TRIP12: variants seen among roughly 807,000 people sequenced by gnomAD.
The protein encoded by TRIP12 is E3 ubiquitin-protein ligase TRIP12.
In TRIP12, 25 loss-of-function variants were observed where a neutral mutation model predicts 244.2. The observed-to-expected ratio is 0.10, with a 90% CI of 0.07 to 0.14. The LOEUF (loss-of-function observed/expected upper bound fraction) is 0.14. Among genes scored for constraint, TRIP12 ranks in the 10% least tolerant of loss-of-function variants. TRIP12 has a pLI of 1.00. For synonymous variants in TRIP12, 905 were observed against 873.1 expected (o/e 1.04, Z -0.64); for missense variants, 1,677 against 2,486.4 (o/e 0.67, Z 6.92).
At chr2:229,847,239 G>A (rs1258568353) in intron 4 of TRIP12, among the ~76,000 whole-genome samples, 2 of 152,156 alleles carry the variant, frequency 1.3e-5, no homozygotes, top group Non-Finnish European at 2.9e-5. Context: ...AAAGTGTTTA[G>A]ACAAATAATG....
intron 1 of TRIP12, among the ~76,000 whole-genome samples, chr2:229,899,088 G>A (rs1022977232): frequency 1.3e-5 from 2 of 152,084 alleles, no homozygotes; most frequent in African/African-American, 4.8e-5. Context: ...TAAGAAACCA[G>A]TAAAGCAAGA....
chr2:229,779,070 A>T (rs1178991711), intron 34 of TRIP12, 80 bp from the exon 35 acceptor site: 9 of 1,073,916 alleles, frequency 8.4e-6, no homozygotes, highest in African/African-American at 1.6e-5. Flanking sequence ...AAATGTGCAC[A>T]CTAACAGCAA....
intron 13 of TRIP12, among the ~76,000 whole-genome samples, chr2:229,812,855 T>G (rs2047606145): frequency 6.6e-6 from 1 of 152,216 alleles, no homozygotes; most frequent in East Asian, 1.9e-4. Flanking sequence ...TAAAAATATT[T>G]TTATGAACCT....
At chr2:229,846,000 G>A (rs1194675412) in intron 4 of TRIP12, among the ~76,000 whole-genome samples, 3 of 130,962 alleles carry the variant, frequency 2.3e-5, no homozygotes, top group African/African-American at 8.3e-5. Flanking sequence ...CAGATCGAGA[G>A]CCTCTCTTTT....
chr2:229,884,289 T>C (rs2065524874), intron 1 of TRIP12, among the ~76,000 whole-genome samples: 1 of 143,272 alleles, frequency 7.0e-6, no homozygotes, highest in African/African-American at 2.6e-5. Context: ...CTGGCTGGAG[T>C]GCAGTGGCAC....
At position 229,914,130 on chromosome 2, in the gene TRIP12, T is replaced by A. The variant is rs2074910152; in HGVS notation, c.-50+7750A>T. Reference sequence around the variant, plus strand: ...CAGGGAATCGCTTGAACCAAGGAGGTGGAGGTGGAGGCTGCAGTGAGTCGG... The same window carrying A: ...CAGGGAATCGCTTGAACCAAGGAGGAGGAGGTGGAGGCTGCAGTGAGTCGG... On this transcript the variant is annotated intron_variant, in intron 1 of 41. Transcript: ENST00000675903. 2.0e-5 allele frequency among the ~76,000 whole-genome samples: 3 copies of A among 151,848 alleles called. No individual in the cohort carries two copies. The South Asian group carries it at 6.3e-4, about 32-fold the overall frequency.
chr2:229,886,433 A>G (rs1044899903), intron 1 of TRIP12, among the ~76,000 whole-genome samples: 2 of 152,108 alleles, frequency 1.3e-5, no homozygotes, highest in Non-Finnish European at 2.9e-5. Context: ...TTTGAATGTG[A>G]TAACGGGATA....
chr2:229,888,788 G>A (rs960853621), intron 1 of TRIP12, among the ~76,000 whole-genome samples: 6 of 152,010 alleles, frequency 3.9e-5, no homozygotes, highest in African/African-American at 1.2e-4. Flanking sequence ...GGGGGACAGA[G>A]CGAGACTTTG....
intron 1 of TRIP12, among the ~76,000 whole-genome samples, chr2:229,886,887 C>T (rs999982933): frequency 1.3e-5 from 2 of 152,098 alleles, no homozygotes; most frequent in Admixed American, 6.5e-5. Context: ...TAGCATGTAC[C>T]AGGCAATGTG....
intron 26 of TRIP12, chr2:229,794,843 A>G (rs1254477751): frequency 1.2e-5 from 2 of 163,890 alleles, no homozygotes; most frequent in African/African-American, 2.4e-5. Context: ...TCACAGCCAC[A>G]AAAAATTTTT....
intron 1 of TRIP12, among the ~76,000 whole-genome samples, chr2:229,903,483 T>C (rs1026013323): frequency 4.6e-5 from 7 of 151,908 alleles, no homozygotes; most frequent in Non-Finnish European, 1.0e-4. Context: ...GAAGATGACG[T>C]TCCACGGAGC....
At chr2:229,907,042 T>C (rs751540451) in intron 1 of TRIP12, among the ~76,000 whole-genome samples, 11 of 152,320 alleles carry the variant, frequency 7.2e-5, no homozygotes, top group Non-Finnish European at 1.3e-4. Context: ...AGGGTTATTT[T>C]TCCTTTCAAT....
chr2:229,844,717 G>C (rs2057223277), intron 4 of TRIP12, among the ~76,000 whole-genome samples: 1 of 147,928 alleles, frequency 6.8e-6, no homozygotes, highest in African/African-American at 2.4e-5. Flanking sequence ...GAAGAGGTGA[G>C]GGAAGTGGAT....
At chr2:229,895,304 C>T (rs1476488617) in intron 1 of TRIP12, among the ~76,000 whole-genome samples, 1 of 148,658 alleles carries the variant, frequency 6.7e-6, no homozygotes, top group Non-Finnish European at 1.5e-5. Flanking sequence ...AAAATATATA[C>T]AGAAAGAACA....
At chr2:229,807,592 CTTGAG>C (rs1184396473) in intron 17 of TRIP12, 111 bp downstream of exon 17, 2 of 1,310,316 alleles carry the variant, frequency 1.5e-6, no homozygotes, top group Non-Finnish European at 2.2e-6. Flanking sequence ...ATGAGAGAAT[CTTGAG>C]TTAATTCAAA....
At chr2:229,911,725 T>G (rs1181904913) in intron 1 of TRIP12, among the ~76,000 whole-genome samples, 1 of 152,170 alleles carries the variant, frequency 6.6e-6, no homozygotes, top group African/African-American at 2.4e-5. Context: ...AAAATAAAAT[T>G]TTAAAAACAA....
At chr2:229,891,385 A>G (rs954699761) in intron 1 of TRIP12, among the ~76,000 whole-genome samples, 6 of 152,124 alleles carry the variant, frequency 3.9e-5, no homozygotes, top group African/African-American at 1.4e-4. Flanking sequence ...AGATCATGCC[A>G]CTGTACTCTA....
At chr2:229,815,590 CT>C (rs1178764930) in intron 9 of TRIP12, among the ~76,000 whole-genome samples, 1 of 152,022 alleles carries the variant, frequency 6.6e-6, no homozygotes, top group African/African-American at 2.4e-5. Flanking sequence ...ACAACCTATC[CT>C]TTTGGTAGCT....
rs370020223 is a variant in TRIP12 at position 229,823,601 on chromosome 2, G to C, written c.1451-5089C>G. On this transcript the variant is annotated intron_variant, in intron 8 of 41. Coordinates refer to ENST00000675903, the MANE Select transcript of TRIP12 (RefSeq NM_001348323.3). ...TGACGCAGAAGAATGGCGTGAACCCGGGAGGCGGAGCTTGCAGTGAGCTGA... is the reference window on the plus strand; with the variant it reads ...TGACGCAGAAGAATGGCGTGAACCCCGGAGGCGGAGCTTGCAGTGAGCTGA... Among the ~76,000 whole-genome samples, 11 of 152,004 alleles carry C rather than the reference G, an allele frequency of 7.2e-5. No individual in the cohort carries two copies. In the East Asian group the frequency reaches 2.1e-3, roughly 29 times the overall value.
Sources: allele counts gnomAD v4.1 joint callset (sites outside exome capture counted in the v4.1 genomes callset), GRCh38; gene constraint gnomAD v4.1.1; transcripts MANE v1.5; gene names NCBI Gene and HGNC (gene_info 2026-07-23, HGNC 2026-07-21).